The following NCAM1 variants were observed in gnomAD, a reference collection of about 807,000 sequenced individuals.
NCAM1 encodes neural cell adhesion molecule 1.
A neutral mutation model predicts 109.8 loss-of-function variants in NCAM1; 14 were observed. The observed-to-expected ratio is 0.13, with a 90% CI of 0.08 to 0.20. NCAM1 has a LOEUF of 0.20. Among genes scored for constraint, NCAM1 ranks in the 10% least tolerant of loss-of-function variants. The probability of loss-of-function intolerance (pLI) is 1.00; values close to 1 mark genes in which losing one functional copy is unlikely to be tolerated. For synonymous variants in NCAM1, 418 were observed against 442.9 expected (o/e 0.94, Z 0.70); for missense variants, 774 against 1,109.9 (o/e 0.70, Z 4.30).
Position 113,277,511 on chromosome 11 carries a change from G to C in NCAM1, c.*2124G>C, listed in dbSNP as rs956215107. 2 of 398,538 alleles carry C rather than the reference G, an allele frequency of 5.0e-6. No homozygotes were observed. Among genetic ancestry groups the C allele is most frequent in the Non-Finnish European group, 8.8e-6 (2 of 226,016 alleles). The allele number at this position is 398,538 out of a possible 1,614,324, so 24.7% of individuals were successfully genotyped here. On this transcript the variant is annotated 3_prime_UTR_variant, in exon 20 of 20. Transcript: ENST00000316851. ...AGAATGTGAGAGCCTGGGTGTCTGA[G>C]ACCGGGAGGGCCCAGCAGTGAGGGG...
intron 1 of NCAM1, among the ~76,000 whole-genome samples, chr11:113,058,455 G>A (rs1953794099): frequency 6.6e-6 from 1 of 152,112 alleles, no homozygotes; most frequent in Non-Finnish European, 1.5e-5. Context: ...GGAAATGCAG[G>A]GGTTTTGATT....
At chr11:113,116,415 A>G (rs1940711601) in intron 1 of NCAM1, among the ~76,000 whole-genome samples, 1 of 152,228 alleles carries the variant, frequency 6.6e-6, no homozygotes, top group Non-Finnish European at 1.5e-5. Flanking sequence ...GACCATCACA[A>G]CACTGCAAAG....
intron 1 of NCAM1, among the ~76,000 whole-genome samples, chr11:113,052,526 G>C (rs1167273723): frequency 2.0e-5 from 3 of 151,500 alleles, no homozygotes; most frequent in African/African-American, 7.3e-5. Flanking sequence ...GAGTACATAA[G>C]CTGGGAAATG....
At chr11:113,005,970 A>G (rs546409278) in intron 1 of NCAM1, among the ~76,000 whole-genome samples, 276 of 152,222 alleles carry the variant, frequency 1.8e-3, no homozygotes, top group South Asian at 8.3e-3. Flanking sequence ...AAACATATGA[A>G]CTTTTCTTCT....
intron 1 of NCAM1, among the ~76,000 whole-genome samples, chr11:112,964,294 C>G (rs1950671787): frequency 6.6e-6 from 1 of 151,902 alleles, no homozygotes; most frequent in East Asian, 1.9e-4. Flanking sequence ...CTGCCCCTCT[C>G]CTCTTTCTGT....
intron 1 of NCAM1, among the ~76,000 whole-genome samples, chr11:113,103,623 C>G (rs553211262): frequency 4.6e-5 from 7 of 152,154 alleles, no homozygotes; most frequent in Admixed American, 6.6e-5. Flanking sequence ...ATCACTGGCT[C>G]TCTTTCTTTG....
intron 17 of NCAM1, chr11:113,269,525 A>G (rs1946219283): frequency 6.5e-6 from 1 of 153,076 alleles, no homozygotes; most frequent in African/African-American, 2.4e-5. Flanking sequence ...CACCTTGCCC[A>G]TGGCCTGGGG....
intron 16 of NCAM1, among the ~76,000 whole-genome samples, chr11:113,257,298 T>G (rs1341355841): frequency 6.6e-6 from 1 of 152,250 alleles, no homozygotes; most frequent in East Asian, 1.9e-4. Context: ...AACATAGGTT[T>G]TAGAGCCAGA....
chr11:113,180,853 G>T (rs995426540), intron 1 of NCAM1, among the ~76,000 whole-genome samples: 1 of 152,198 alleles, frequency 6.6e-6, no homozygotes, highest in Non-Finnish European at 1.5e-5. Context: ...TAATGGGTGG[G>T]TGGATGTGAG....
chr11:113,271,939 C>A, intron 19 of NCAM1, 63 bp downstream of exon 19: 1 of 1,262,508 alleles, frequency 7.9e-7, no homozygotes, highest in Non-Finnish European at 1.1e-6. Flanking sequence ...CCTCCCCACC[C>A]TACCCCCACC....
intron 1 of NCAM1, among the ~76,000 whole-genome samples, chr11:113,048,271 C>T (rs1232212157): frequency 6.6e-6 from 1 of 152,136 alleles, no homozygotes; most frequent in Non-Finnish European, 1.5e-5. Flanking sequence ...ACGTTGAAAA[C>T]TTTTAAAACA....
intron 1 of NCAM1, among the ~76,000 whole-genome samples, chr11:113,063,131 T>G (rs1937756618): frequency 6.6e-6 from 1 of 152,158 alleles, no homozygotes; most frequent in African/African-American, 2.4e-5. Flanking sequence ...CAGGGAAGGC[T>G]CTGGGTTTTA....
intron 1 of NCAM1, among the ~76,000 whole-genome samples, chr11:113,125,420 T>A (rs1941134101): frequency 6.6e-6 from 1 of 152,154 alleles, no homozygotes; most frequent in Admixed American, 6.5e-5. Flanking sequence ...TCAATAGAAA[T>A]CTCAATTATA....
chr11:113,007,206 G>A (rs1951914570), intron 1 of NCAM1, among the ~76,000 whole-genome samples: 2 of 151,876 alleles, frequency 1.3e-5, no homozygotes, highest in Admixed American at 1.3e-4. Context: ...TTTCTTTTTT[G>A]TTTGAGACAG....
At chr11:113,051,244 G>A (rs1239210554) in intron 1 of NCAM1, among the ~76,000 whole-genome samples, 9 of 152,202 alleles carry the variant, frequency 5.9e-5, no homozygotes, top group Non-Finnish European at 2.9e-5. Context: ...TGATAAGTTT[G>A]TAATGCACTT....
chr11:113,039,744 G>A (rs1455239511), intron 1 of NCAM1, among the ~76,000 whole-genome samples: 5 of 152,134 alleles, frequency 3.3e-5, no homozygotes, highest in African/African-American at 1.2e-4. Context: ...AAATTTTCTG[G>A]TAGCTGTGTT....
intron 1 of NCAM1, among the ~76,000 whole-genome samples, chr11:113,117,598 A>G (rs1460189071): frequency 6.6e-6 from 1 of 152,090 alleles, no homozygotes; most frequent in African/African-American, 2.4e-5. Flanking sequence ...CTTCAGGGAT[A>G]ATGAAAATTA....
At chr11:113,019,624 G>A (rs1224530557) in intron 1 of NCAM1, among the ~76,000 whole-genome samples, 1 of 152,152 alleles carries the variant, frequency 6.6e-6, no homozygotes, top group African/African-American at 2.4e-5. Flanking sequence ...CTTCTGTGGT[G>A]TCAGATACCA....
At chr11:113,009,311 G>GGTTTTTTT (rs1192369836) in intron 1 of NCAM1, among the ~76,000 whole-genome samples, 1 of 90,338 alleles carries the variant, frequency 1.1e-5, no homozygotes, top group Non-Finnish European at 2.2e-5. Flanking sequence ...GGTTTTTTCG[G>GGTTTTTTT]GTTTTTTTTT....
Sources: gnomAD v4.1 joint callset for allele counts (sites outside exome capture counted in the v4.1 genomes callset) on GRCh38, gnomAD v4.1.1 for gene constraint, MANE v1.5 for transcripts, NCBI Gene and HGNC (gene_info 2026-07-23, HGNC 2026-07-21) for gene names.